ATP8A2: variants seen among roughly 807,000 people sequenced by gnomAD.
The protein encoded by ATP8A2 is ATPase phospholipid transporting 8A2, also known as phospholipid-transporting ATPase IB.
Under a neutral mutation model 165.6 loss-of-function variants are expected in ATP8A2, and 100 were observed. The ratio of observed to expected loss-of-function variants is 0.60; its 90% CI spans 0.51 to 0.71. The LOEUF is 0.71. ATP8A2 is among the 30% of genes least tolerant of loss of function. The pLI is 0.00. For missense variants in ATP8A2, 1,227 were observed against 1,479.5 expected, an observed-to-expected ratio of 0.83 and a Z score of 2.80; for synonymous variants, 543 against 548.8, an observed-to-expected ratio of 0.99 and a Z score of 0.15.
intron 24 of ATP8A2, among the ~76,000 whole-genome samples, chr13:25,691,162 T>C (rs996820166): frequency 6.6e-6 from 1 of 151,934 alleles, no homozygotes; most frequent in East Asian, 1.9e-4. Flanking sequence ...TAAAAAGAGG[T>C]AGATGAAAGG....
intron 24 of ATP8A2, among the ~76,000 whole-genome samples, chr13:25,696,442 G>A (rs1469477529): frequency 1.3e-5 from 2 of 152,042 alleles, no homozygotes; most frequent in South Asian, 2.1e-4. Flanking sequence ...TTTAATAGAC[G>A]GCTGTTTCAT....
chr13:25,838,973 G>C (rs1018319544), intron 29 of ATP8A2, among the ~76,000 whole-genome samples: 2 of 152,028 alleles, frequency 1.3e-5, no homozygotes, highest in African/African-American at 4.8e-5. Flanking sequence ...AAAATAAAGA[G>C]AATTTTCAAA....
intron 35 of ATP8A2, among the ~76,000 whole-genome samples, chr13:25,994,570 T>C (rs538107658): frequency 6.6e-6 from 1 of 152,186 alleles, no homozygotes; most frequent in East Asian, 1.9e-4. Context: ...GCTAAGAGAT[T>C]TTTTGTTTGT....
chr13:25,617,684 T>A (rs2137436437), intron 24 of ATP8A2, among the ~76,000 whole-genome samples: 1 of 152,354 alleles, frequency 6.6e-6, no homozygotes, highest in South Asian at 2.1e-4. Context: ...TTAATTTTTG[T>A]TACAGTTCCA....
chr13:25,472,894 T>C (rs2035886160), intron 2 of ATP8A2, among the ~76,000 whole-genome samples: 1 of 152,352 alleles, frequency 6.6e-6, no homozygotes, highest in African/African-American at 2.4e-5. Flanking sequence ...GCAGTTGCTC[T>C]GCGCTTGCCT....
At chr13:25,999,216 C>A (rs772453439) in intron 35 of ATP8A2, among the ~76,000 whole-genome samples, 10 of 152,108 alleles carry the variant, frequency 6.6e-5, no homozygotes, top group Non-Finnish European at 1.3e-4. Context: ...GACTTGGTTC[C>A]GGCTGAATGA....
chr13:25,950,599 C>T (rs759724042), intron 33 of ATP8A2: 3 of 152,196 alleles, frequency 2.0e-5, no homozygotes, highest in Non-Finnish European at 4.4e-5. Flanking sequence ...CCAATTCAAA[C>T]CAAACACACC....
intron 24 of ATP8A2, chr13:25,591,353 G>C (rs1381934562): frequency 4.4e-6 from 2 of 456,426 alleles, no homozygotes; most frequent in East Asian, 1.4e-4. Context: ...TCTGCTTTGT[G>C]TCTCTATGAA....
chr13:25,632,377 C>A (rs12584904), intron 24 of ATP8A2, among the ~76,000 whole-genome samples: 14,658 of 152,134 alleles, frequency 0.096, 887 homozygotes, highest in Admixed American at 0.18. Context: ...CTAATCCTGC[C>A]TCGGTCTTTC....
chr13:26,010,893 C>T (rs1240529029), intron 35 of ATP8A2, among the ~76,000 whole-genome samples: 1 of 152,188 alleles, frequency 6.6e-6, no homozygotes, highest in Admixed American at 6.5e-5. Flanking sequence ...TTATTTCAAC[C>T]AAGGCACTCA....
chr13:25,964,326 C>T (rs1007747802), intron 34 of ATP8A2, among the ~76,000 whole-genome samples: 1 of 152,164 alleles, frequency 6.6e-6, no homozygotes, highest in Non-Finnish European at 1.5e-5. Context: ...CTACCCTCAC[C>T]CCTCTCCTCA....
intron 1 of ATP8A2, among the ~76,000 whole-genome samples, chr13:25,411,486 A>G (rs549639447): frequency 2.8e-4 from 43 of 152,348 alleles, no homozygotes; most frequent in African/African-American, 9.1e-4. Context: ...GTCCCTGCCA[A>G]TCTCAGAGAG....
intron 27 of ATP8A2, among the ~76,000 whole-genome samples, chr13:25,825,963 A>T (rs1226716603): frequency 6.6e-6 from 1 of 152,112 alleles, no homozygotes; most frequent in Non-Finnish European, 1.5e-5. Context: ...AATTGGGGTG[A>T]TGGTCAAAGG....
At chr13:25,662,205 T>C (rs886637912) in intron 24 of ATP8A2, among the ~76,000 whole-genome samples, 6 of 152,188 alleles carry the variant, frequency 3.9e-5, no homozygotes, top group South Asian at 4.1e-4. Context: ...ACATAGCATA[T>C]TGTAAGCGCT....
chr13:25,492,139 C>G lies in ATP8A2; in HGVS notation c.221+23018C>G, dbSNP rs576277729. Among the ~76,000 whole-genome samples the G allele has an allele frequency of 2.0e-5, 3 of 152,302 alleles. No homozygotes were observed. The South Asian group carries it at 6.2e-4, about 32-fold the overall frequency. The stretch of plus-strand genomic sequence containing the variant: ...TGTTGTGATTTCGGCTCACTGCAAC[C>G]TTTGCCTCCTGGGTTCAAGCAATTC... On this transcript the variant is annotated intron_variant, in intron 2 of 36. Coordinates refer to ENST00000381655, the MANE Select transcript of ATP8A2 (RefSeq NM_016529.6).
chr13:25,716,836 G>A (rs779724026), intron 25 of ATP8A2, among the ~76,000 whole-genome samples: 2 of 152,072 alleles, frequency 1.3e-5, no homozygotes, highest in African/African-American at 2.4e-5. Flanking sequence ...ACAGGAAAGA[G>A]GAAAAAGAAG....
chr13:25,385,915 A>C (rs1485123486), intron 1 of ATP8A2, among the ~76,000 whole-genome samples: 6 of 146,060 alleles, frequency 4.1e-5, no homozygotes, highest in Admixed American at 6.8e-5. Flanking sequence ...CTTGGGCTTA[A>C]ATTTTTTTTT....
chr13:25,643,070 G>C (rs185252556), intron 24 of ATP8A2, among the ~76,000 whole-genome samples: 13 of 152,230 alleles, frequency 8.5e-5, no homozygotes, highest in Admixed American at 4.6e-4. Flanking sequence ...TTGTGGGATG[G>C]GGGGAGGGGA....
At chr13:25,804,612 G>C (rs1950690769) in intron 27 of ATP8A2, among the ~76,000 whole-genome samples, 1 of 152,118 alleles carries the variant, frequency 6.6e-6, no homozygotes, top group South Asian at 2.1e-4. Context: ...TCTAAATATA[G>C]AAGTGTCTTT....
Sources: allele counts gnomAD v4.1 joint callset (sites outside exome capture counted in the v4.1 genomes callset), GRCh38; gene constraint gnomAD v4.1.1; transcripts MANE v1.5; gene names NCBI Gene and HGNC (gene_info 2026-07-23, HGNC 2026-07-21).